The following PLSCR2 variants were observed in gnomAD, a reference collection of about 807,000 sequenced individuals.
PLSCR2 encodes phospholipid scramblase 2.
Under a neutral mutation model 25.3 loss-of-function variants are expected in PLSCR2, and 18 were observed. The observed-to-expected ratio is 0.71, with a 90% CI of 0.49 to 1.06. The LOEUF (loss-of-function observed/expected upper bound fraction) is 1.06. Ranked by LOEUF, PLSCR2 falls within the 50% of genes least tolerant of loss-of-function variation. The pLI, the probability that PLSCR2 is intolerant of heterozygous loss-of-function variation, is 0.00. For synonymous variants in PLSCR2, 88 were observed against 87.3 expected (o/e 1.01, Z -0.04); for missense variants, 243 against 269.5 (o/e 0.90, Z 0.69).
At chr3:146,457,755 G>C (rs1309863762) in intron 3 of PLSCR2, among the ~76,000 whole-genome samples, 1 of 152,230 alleles carries the variant, frequency 6.6e-6, no homozygotes, top group Non-Finnish European at 1.5e-5. Context: ...AGCTGAAGTG[G>C]TAGAAGTCAG....
At chr3:146,483,649 G>C (rs541506547) in intron 1 of PLSCR2, among the ~76,000 whole-genome samples, 1 of 151,044 alleles carries the variant, frequency 6.6e-6, no homozygotes, top group South Asian at 2.1e-4. Flanking sequence ...CAGGTGAATA[G>C]GGCCTGAAGT....
chr3:146,431,383 A>G (rs1046310200), downstream of PLSCR2, among the ~76,000 whole-genome samples: 10 of 152,168 alleles, frequency 6.6e-5, no homozygotes, highest in African/African-American at 2.2e-4. Context: ...CTCCCTTCAC[A>G]TAAACATACC....
chr3:146,428,894 C>T (rs2039447624), downstream of PLSCR2, among the ~76,000 whole-genome samples: 1 of 152,134 alleles, frequency 6.6e-6, no homozygotes, highest in African/African-American at 2.4e-5. Context: ...CCAAATATTC[C>T]ACATTGGCTT....
intron 3 of PLSCR2, among the ~76,000 whole-genome samples, chr3:146,395,196 T>C (rs2038232389): frequency 6.6e-6 from 1 of 151,992 alleles, no homozygotes; most frequent in African/African-American, 2.4e-5. Flanking sequence ...TAAGAGCAAA[T>C]AAAACGCTAA....
At chr3:146,473,644 A>G (rs1448295861) in intron 1 of PLSCR2, among the ~76,000 whole-genome samples, 1 of 152,170 alleles carries the variant, frequency 6.6e-6, no homozygotes, top group African/African-American at 2.4e-5. Flanking sequence ...TCTAGGTATA[A>G]CATAAACACA....
At chr3:146,444,518 C>G (rs569315655) in intron 6 of PLSCR2, among the ~76,000 whole-genome samples, 6 of 151,684 alleles carry the variant, frequency 4.0e-5, no homozygotes, top group Admixed American at 1.3e-4. Flanking sequence ...TACATAATGA[C>G]TTTGTTGTCT....
chr3:146,395,401 A>G (rs934038719), intron 3 of PLSCR2, among the ~76,000 whole-genome samples: 4 of 152,228 alleles, frequency 2.6e-5, no homozygotes, highest in African/African-American at 9.6e-5. Context: ...TAGTTTCCAA[A>G]TTAACAATAT....
rs1576590274 is a variant in PLSCR2 at position 146,420,700 on chromosome 3, A to T, written c.101-24779T>A. On this transcript the variant is annotated intron_variant and NMD_transcript_variant, in intron 2 of 3. Transcript: ENST00000463633. ...TTTTAAATATTGTCATGATATAAAT[A>T]CTTTCTATATTATAGATCTTCAAAC... is the stretch of plus-strand genomic sequence containing the variant. 2.0e-5 allele frequency among the ~76,000 whole-genome samples: 3 copies of T among 152,230 alleles called. 1 individual carries two copies. Among genetic ancestry groups the T allele is most frequent in the Middle Eastern group, 6.8e-3 (2 of 294 alleles).
intron 1 of PLSCR2, among the ~76,000 whole-genome samples, chr3:146,467,895 A>C (rs1420129551): frequency 6.6e-6 from 1 of 152,154 alleles, no homozygotes; most frequent in East Asian, 1.9e-4. Flanking sequence ...TTATTCGGGA[A>C]ATGAAAATTT....
chr3:146,442,851 C>T (rs187716652), intron 6 of PLSCR2, among the ~76,000 whole-genome samples: 9 of 151,910 alleles, frequency 5.9e-5, no homozygotes, highest in Admixed American at 3.9e-4. Flanking sequence ...TACTGTAAAA[C>T]GACTAGAAGA....
intron 1 of PLSCR2, among the ~76,000 whole-genome samples, chr3:146,488,349 G>C (rs1421200283): frequency 2.0e-5 from 3 of 152,068 alleles, no homozygotes; most frequent in Non-Finnish European, 2.9e-5. Context: ...AAACTAAGGA[G>C]CTTCTGGACA....
intron 5 of PLSCR2, among the ~76,000 whole-genome samples, chr3:146,452,175 T>C (rs953630226): frequency 1.3e-5 from 2 of 152,112 alleles, no homozygotes; most frequent in Non-Finnish European, 2.9e-5. Context: ...GTGTCAGAAT[T>C]GAACTGAGTT....
At chr3:146,480,648 C>T (rs187564542) in intron 1 of PLSCR2, among the ~76,000 whole-genome samples, 23 of 151,966 alleles carry the variant, frequency 1.5e-4, no homozygotes, top group African/African-American at 2.4e-5. Flanking sequence ...TGAATTCTAC[C>T]GAGGTACAAA....
chr3:146,462,979 C>T (rs1446823257), upstream of PLSCR2, among the ~76,000 whole-genome samples: 1 of 152,216 alleles, frequency 6.6e-6, no homozygotes, highest in African/African-American at 2.4e-5. Flanking sequence ...GGTTAATTAT[C>T]AGATCACACC....
At chr3:146,435,719 G>A (rs986509186) in intron 8 of PLSCR2, among the ~76,000 whole-genome samples, 2 of 152,112 alleles carry the variant, frequency 1.3e-5, no homozygotes. Flanking sequence ...CCATTTTGTA[G>A]GTTGCCTGTT....
chr3:146,412,631 A>T (rs948041707), intron 2 of PLSCR2, among the ~76,000 whole-genome samples: 2 of 152,166 alleles, frequency 1.3e-5, no homozygotes, highest in Non-Finnish European at 1.5e-5. Context: ...TAATTTTCTC[A>T]GCAAGGCAAT....
downstream of PLSCR2, among the ~76,000 whole-genome samples, chr3:146,436,886 A>G (rs1460692394): frequency 6.6e-6 from 1 of 152,136 alleles, no homozygotes; most frequent in East Asian, 1.9e-4. Flanking sequence ...GTTTTTGCCC[A>G]TTCAGTATGA....
In PLSCR2 at chr3:146,435,270, C is replaced by T. The variant is rs529664816; in HGVS notation, c.*35-1753G>A. On this transcript the variant is annotated intron_variant, in intron 8 of 8. Transcript: ENST00000336685. ...TCTTTATAGCAGCATGATTTATAAT[C>T]CTTTGGGTATATACCCAGTAATGGG... Among the ~76,000 whole-genome samples the T allele has an allele frequency of 6.8e-3, 1,038 of 152,210 alleles. 8 individuals are homozygous for T. Among genetic ancestry groups the T allele is most frequent in the South Asian group, 0.018 (85 of 4,822 alleles).
chr3:146,392,732 A>G (rs1184884610), intron 3 of PLSCR2, among the ~76,000 whole-genome samples: 2 of 151,558 alleles, frequency 1.3e-5, no homozygotes, highest in Non-Finnish European at 2.9e-5. Context: ...CTGTTACTTT[A>G]TGATTTTCTT....
Sources: allele counts gnomAD v4.1 joint callset (sites outside exome capture counted in the v4.1 genomes callset), GRCh38; gene constraint gnomAD v4.1.1; transcripts MANE v1.5; gene names NCBI Gene and HGNC (gene_info 2026-07-23, HGNC 2026-07-21).